The following ATP6V1A variants were observed in gnomAD, a reference collection of about 807,000 sequenced individuals.
ATP6V1A encodes the protein ATPase H+ transporting V1 subunit A.
Under a neutral mutation model 70.1 loss-of-function variants are expected in ATP6V1A, and 18 were observed. The observed-to-expected ratio is 0.26, with a 90% CI of 0.18 to 0.38. ATP6V1A has a LOEUF of 0.38. Among genes scored for constraint, ATP6V1A ranks in the 10% least tolerant of loss-of-function variants. The pLI, the probability that ATP6V1A is intolerant of heterozygous loss-of-function variation, is 1.00. For missense variants in ATP6V1A, 424 were observed against 772.4 expected (o/e 0.55, Z 5.35); for synonymous variants, 232 against 253.8 (o/e 0.91, Z 0.82).
chr3:113,788,676 C>G, intron 6 of ATP6V1A, 37 bp from the exon 7 acceptor site: 1 of 1,593,050 alleles, frequency 6.3e-7, no homozygotes, highest in Non-Finnish European at 8.6e-7. Context: ...TATCTATTAG[C>G]AAGTCAAGTA....
At chr3:113,791,879 G>C (rs1709096161) in intron 8 of ATP6V1A, among the ~76,000 whole-genome samples, 1 of 69,206 alleles carries the variant, frequency 1.4e-5, no homozygotes, top group Non-Finnish European at 3.5e-5. Context: ...CTCTTGCTTT[G>C]TTTGGAAACA....
intron 12 of ATP6V1A, among the ~76,000 whole-genome samples, chr3:113,800,200 C>A (rs1352594559): frequency 6.7e-6 from 1 of 149,774 alleles, no homozygotes; most frequent in Admixed American, 6.7e-5. Context: ...CCACTGCACT[C>A]TAGCCTGGGT....
intron 1 of ATP6V1A, among the ~76,000 whole-genome samples, chr3:113,755,046 A>T (rs1010680657): frequency 1.3e-5 from 2 of 152,106 alleles, no homozygotes; most frequent in Non-Finnish European, 2.9e-5. Context: ...AGCTGTCCAA[A>T]GTTTTTTTTA....
chr3:113,803,621 A>C lies in ATP6V1A; in HGVS notation c.1533A>C (p.Val511=), dbSNP rs1709240028. ...AAACAGATAAAATCACTCTGGAGGTAGCAAAACTTATCAAAGATGATTTCC... is the reference window on the plus strand; with the variant it reads ...AAACAGATAAAATCACTCTGGAGGTCGCAAAACTTATCAAAGATGATTTCC... ...LAETDKITLE[V]AKLIKDDFLQ... The change falls in exon 13 of 15, where the codon GTA becomes GTC. Residue 511 remains valine (V), a synonymous_variant. Transcript: ENST00000273398. 25 of 1,612,418 alleles carry C rather than the reference A, an allele frequency of 1.6e-5. No homozygotes were observed. The highest frequency in any genetic ancestry group is 2.0e-5 in the Non-Finnish European group (24 of 1,178,716).
chr3:113,797,851 A>G (rs377579644), intron 11 of ATP6V1A, among the ~76,000 whole-genome samples: 35 of 152,224 alleles, frequency 2.3e-4, no homozygotes, highest in African/African-American at 7.7e-4. Flanking sequence ...AGAATTGCAT[A>G]TTTAGGGGTC....
intron 1 of ATP6V1A, among the ~76,000 whole-genome samples, chr3:113,771,918 C>T (rs1004397287): frequency 2.0e-5 from 3 of 152,096 alleles, no homozygotes; most frequent in Admixed American, 2.0e-4. Flanking sequence ...CGGTAGAGTG[C>T]TATAGCATCC....
chr3:113,768,013 G>A (rs919331926), intron 1 of ATP6V1A, among the ~76,000 whole-genome samples: 3 of 152,212 alleles, frequency 2.0e-5, no homozygotes, highest in Admixed American at 2.0e-4. Flanking sequence ...AACTGTAAGT[G>A]TGTTTAGCTG....
intron 1 of ATP6V1A, among the ~76,000 whole-genome samples, chr3:113,749,083 A>G (rs72952660): frequency 0.014 from 2,192 of 152,272 alleles, 66 homozygotes; most frequent in African/African-American, 0.05. Flanking sequence ...TAGAGGGGAA[A>G]ATGTCAGTAT....
In ATP6V1A at chr3:113,791,079, A is replaced by G. The variant is rs114652850; in HGVS notation, c.988+1239A>G. 7.7e-3 allele frequency among the ~76,000 whole-genome samples: 1,178 copies of G among 152,198 alleles called. 16 individuals are homozygous for G. The highest frequency in any genetic ancestry group is 0.027 in the African/African-American group (1,105 of 41,544). ...GATACATAATGTGCCCTTTTCATCT[A>G]TGAAATATGTCTTTTATTTTGGAAA... On this transcript the variant is annotated intron_variant, in intron 8 of 14. Transcript: ENST00000273398.
At chr3:113,770,780 C>CTATGGAGATTTGGGATAAAA (rs1559752326) in intron 1 of ATP6V1A, among the ~76,000 whole-genome samples, 8 of 151,594 alleles carry the variant, frequency 5.3e-5, no homozygotes, top group African/African-American at 1.9e-4. Flanking sequence ...ATAGTTTGGA[C>CTATGGAGATTTGGGATAAAA]CTTATAGAGA....
chr3:113,759,265 A>G (rs957250508), intron 1 of ATP6V1A, among the ~76,000 whole-genome samples: 63 of 144,292 alleles, frequency 4.4e-4, no homozygotes, highest in African/African-American at 1.5e-3. Flanking sequence ...ATCCATTTTT[A>G]GATTTTTCTA....
At chr3:113,779,539 T>C (rs1000630768) in intron 2 of ATP6V1A, among the ~76,000 whole-genome samples, 7 of 152,244 alleles carry the variant, frequency 4.6e-5, no homozygotes, top group African/African-American at 1.7e-4. Flanking sequence ...TTTCTTGTTC[T>C]AGTTAGAGTA....
At chr3:113,762,905 A>G (rs1708721902) in intron 1 of ATP6V1A, among the ~76,000 whole-genome samples, 1 of 152,184 alleles carries the variant, frequency 6.6e-6, no homozygotes, top group Non-Finnish European at 1.5e-5. Context: ...CACATGCCAA[A>G]TATATTCTCA....
intron 14 of ATP6V1A, among the ~76,000 whole-genome samples, chr3:113,808,842 T>C (rs1709308572): frequency 6.6e-6 from 1 of 152,128 alleles, no homozygotes; most frequent in Admixed American, 6.5e-5. Flanking sequence ...TTGTTTTCTT[T>C]CTGTTTGGTT....
chr3:113,756,941 G>A (rs897443608), intron 1 of ATP6V1A, among the ~76,000 whole-genome samples: 2 of 152,172 alleles, frequency 1.3e-5, no homozygotes, highest in African/African-American at 2.4e-5. Context: ...AGTCCTAGTC[G>A]TAGGTAATGC....
chr3:113,748,902 G>T (rs1354649676), intron 1 of ATP6V1A, among the ~76,000 whole-genome samples: 2 of 152,062 alleles, frequency 1.3e-5, no homozygotes, highest in African/African-American at 4.8e-5. Context: ...CCATAATAAG[G>T]TTCCTTGATC....
intron 11 of ATP6V1A, 117 bp from the exon 12 acceptor site, chr3:113,798,126 C>T: frequency 8.8e-7 from 1 of 1,131,234 alleles, no homozygotes; most frequent in Admixed American, 2.1e-5. Context: ...GAGCAAGCCT[C>T]TGTCTCAAAA....
intron 1 of ATP6V1A, among the ~76,000 whole-genome samples, chr3:113,777,869 A>T (rs921623220): frequency 6.6e-6 from 1 of 152,224 alleles, no homozygotes; most frequent in Admixed American, 6.5e-5. Flanking sequence ...TTGAGAGCTG[A>T]CAAAGAGTTC....
chr3:113,761,553 A>G (rs570373673), intron 1 of ATP6V1A, among the ~76,000 whole-genome samples: 21 of 151,912 alleles, frequency 1.4e-4, no homozygotes, highest in Middle Eastern at 3.4e-3. Context: ...CCTGACCAAC[A>G]TGTAGAAATC....
Sources: gnomAD v4.1 joint callset for allele counts (sites outside exome capture counted in the v4.1 genomes callset) on GRCh38, gnomAD v4.1.1 for gene constraint, MANE v1.5 for transcripts, NCBI Gene and HGNC (gene_info 2026-07-23, HGNC 2026-07-21) for gene names.